The following WDR33 variants were observed in gnomAD, a reference collection of about 807,000 sequenced individuals.
WDR33 encodes pre-mRNA 3' end processing protein WDR33.
Under a neutral mutation model 164.9 loss-of-function variants are expected in WDR33, and 47 were observed. The observed-to-expected ratio is 0.29, with a 90% CI of 0.23 to 0.36. The LOEUF is 0.36. WDR33 is among the 10% of genes least tolerant of loss of function. The probability of loss-of-function intolerance (pLI) is 1.00; values close to 1 mark genes in which losing one functional copy is unlikely to be tolerated. For missense variants in WDR33, 1,137 were observed against 1,754.1 expected (o/e 0.65, Z 6.28); for synonymous variants, 505 against 589.0 (o/e 0.86, Z 2.06).
At chr2:127,707,507 C>T (rs183451044) in intron 21 of WDR33, among the ~76,000 whole-genome samples, 1 of 152,354 alleles carries the variant, frequency 6.6e-6, no homozygotes, top group East Asian at 1.9e-4. Context: ...TCAGCTACTA[C>T]ATCATTCCCA....
At position 127,722,433 on chromosome 2, in the gene WDR33, TGCAAAGCAGTAGATGA is replaced by T. The variant is rs1348363244; in HGVS notation, c.1518+142_1518+157del. Among the ~76,000 whole-genome samples the T allele has an allele frequency of 1.3e-5, 2 of 152,184 alleles. No homozygotes were observed. The highest frequency in any genetic ancestry group is 3.8e-4 in the East Asian group (2 of 5,204). On this transcript the variant is annotated intron_variant, in intron 14 of 21. Coordinates refer to ENST00000322313, the MANE Select transcript of WDR33 (RefSeq NM_018383.5). This position sits in a 1 kb window ranked among gnomAD's most constrained non-coding sequence, Gnocchi z 5.1. Reference sequence around the variant, plus strand: ...AGACTGATAACAAACTCAATACAACTGCAAAGCAGTAGATGAGAACCATGTCTAAGAGTACGTGAAC... The same window carrying T: ...AGACTGATAACAAACTCAATACAACTGAACCATGTCTAAGAGTACGTGAAC...
At chr2:127,734,237 C>A (rs1450171032) in intron 7 of WDR33, among the ~76,000 whole-genome samples, 1 of 152,222 alleles carries the variant, frequency 6.6e-6, no homozygotes, top group Non-Finnish European at 1.5e-5. Flanking sequence ...CATAAACTAA[C>A]TCCACCAAAA....
Position 127,771,037 on chromosome 2 carries a change from T to G in WDR33, c.-23-33A>C, listed in dbSNP as rs740814. The G allele has an allele frequency of 9.8e-4, 1,500 of 1,528,344 alleles. 17 individuals carry two copies. The African/African-American group carries it at 0.018, about 18-fold the overall frequency. 94.7% of individuals were successfully genotyped at this position (1,528,344 alleles called of 1,614,324 possible). ...AAGGAAAAAGTACTTTCACTACAAA[T>G]ATCAGCACTGCAACACTGCCTGAAA... On this transcript the variant is annotated intron_variant, in intron 1 of 21. Transcript: ENST00000322313.
chr2:127,716,976 A>G lies in WDR33; in HGVS notation c.2869+179T>C, dbSNP rs1686316919. On this transcript the variant is annotated intron_variant, in intron 17 of 21. Transcript: ENST00000322313. The surrounding 1 kb of genome is among the most constrained non-coding windows in gnomAD (Gnocchi z 4.5). ...TGTCAGCCTCTGGGGTGAGGGGCTT[A>G]CTAAACAGATCCAAGAACACAACCA... Among the ~76,000 whole-genome samples the G allele has an allele frequency of 6.6e-6, 1 of 152,214 alleles. No individual in the cohort carries two copies. Among genetic ancestry groups the G allele is most frequent in the South Asian group, 2.1e-4 (1 of 4,832 alleles).
intron 1 of WDR33, among the ~76,000 whole-genome samples, chr2:127,787,480 C>T (rs1464806936): frequency 1.5e-5 from 2 of 134,726 alleles, no homozygotes; most frequent in East Asian, 2.2e-4. Context: ...GCTGGCCGGG[C>T]GGGGGGCTGA....
At position 127,764,511 on chromosome 2, in the gene WDR33, G is replaced by A. The variant is rs1459403824; in HGVS notation, c.626+317C>T. ...TCTTTATTTGGAATGAAATATTCTT[G>A]TCTTACACAGTAGATAATAAAAAGG... On this transcript the variant is annotated intron_variant, in intron 6 of 21. Coordinates refer to ENST00000322313, the MANE Select transcript of WDR33 (RefSeq NM_018383.5). The surrounding 1 kb of genome is among the most constrained non-coding windows in gnomAD (Gnocchi z 6.2). 6.0e-6 allele frequency: 9 copies of A among 1,511,080 alleles called. No homozygotes were observed. The South Asian group carries it at 1.1e-4, about 18-fold the overall frequency. 93.6% of individuals were successfully genotyped at this position (1,511,080 alleles called of 1,614,324 possible).
chr2:127,711,780 A>ATATATATATATATATTTTTTTTTTTTTT, intron 18 of WDR33, among the ~76,000 whole-genome samples: 4 of 88,302 alleles, frequency 4.5e-5, no homozygotes, highest in Non-Finnish European at 8.0e-5. Context: ...ATATATATAT[A>ATATATATATATATATTTTTTTTTTTTTT]TTTTTTTTTT....
Position 127,735,019 on chromosome 2 carries a change from A to C in WDR33, c.725-8242T>G, listed in dbSNP as rs1686805055. Among the ~76,000 whole-genome samples the C allele has an allele frequency of 6.6e-6, 1 of 152,242 alleles. No homozygotes were observed. The highest frequency in any genetic ancestry group is 1.5e-5 in the Non-Finnish European group (1 of 68,042). ...ACCTTAAAATTCTAAGAATAACATG[A>C]TAAATGGATTAGGTATTAGATATTT... On this transcript the variant is annotated intron_variant, in intron 7 of 21. Transcript: ENST00000322313. The surrounding 1 kb of genome is among the most constrained non-coding windows in gnomAD (Gnocchi z 4.3).
At chr2:127,765,329 A>G in intron 4 of WDR33, 60 bp from the exon 5 acceptor site, 1 of 1,231,462 alleles carries the variant, frequency 8.1e-7, no homozygotes, top group Non-Finnish European at 1.2e-6. Flanking sequence ...TGAAAAACAT[A>G]TTAAAGGTAT....
chr2:127,747,449 A>C (rs1687199091), intron 7 of WDR33, among the ~76,000 whole-genome samples: 1 of 152,170 alleles, frequency 6.6e-6, no homozygotes, highest in African/African-American at 2.4e-5. Flanking sequence ...AAAAAAAAAA[A>C]AAAGTAAAAA....
chr2:127,779,057 A>G (rs1688286235), intron 1 of WDR33, among the ~76,000 whole-genome samples: 1 of 152,178 alleles, frequency 6.6e-6, no homozygotes. Flanking sequence ...AAATGCTGAC[A>G]TGAAATATCA....
chr2:127,727,118 T>C (rs149909363), intron 7 of WDR33, among the ~76,000 whole-genome samples: 33 of 152,314 alleles, frequency 2.2e-4, no homozygotes, highest in African/African-American at 7.9e-4. Context: ...ATTACCCTGA[T>C]TATAGGGCAC....
intron 1 of WDR33, among the ~76,000 whole-genome samples, chr2:127,791,164 A>ACCC (rs59673415): frequency 1.8e-5 from 1 of 54,610 alleles, no homozygotes; most frequent in Non-Finnish European, 3.8e-5. Flanking sequence ...TCCCCACCCC[A>ACCC]CCCCCCCCCC....
chr2:127,770,986 A>T lies in WDR33; in HGVS notation c.-5T>A, dbSNP rs762289736. 41 of 1,613,406 alleles carry T rather than the reference A, an allele frequency of 2.5e-5. No homozygotes were observed. Among genetic ancestry groups the T allele is most frequent in the Non-Finnish European group, 3.4e-5 (40 of 1,179,680 alleles). ...AGAACCAATTTCTGTAGCCATGGTG[A>T]TGTTTTCCTTCTAGGATACTAGGAT... On this transcript the variant is annotated 5_prime_UTR_variant, in exon 2 of 22. Coordinates refer to ENST00000322313, the MANE Select transcript of WDR33 (RefSeq NM_018383.5). This position sits in a 1 kb window ranked among gnomAD's most constrained non-coding sequence, Gnocchi z 4.9.
At position 127,765,105 on chromosome 2, in the gene WDR33, T is replaced by C. The variant is rs144678031; in HGVS notation, c.474+69A>G. The C allele has an allele frequency of 4.3e-3, 6,677 of 1,561,060 alleles. 22 individuals are homozygous for C. The highest frequency in any genetic ancestry group is 7.1e-3 in the Middle Eastern group (42 of 5,894). On this transcript the variant is annotated intron_variant, in intron 5 of 21. Transcript: ENST00000322313. The stretch of plus-strand genomic sequence containing the variant: ...CCAATTCTAAGTTTAACAATGCCAA[T>C]GAAATGACTATATCTCAAGTTCTTT...
intron 1 of WDR33, among the ~76,000 whole-genome samples, chr2:127,785,660 G>A (rs369952911): frequency 7.2e-6 from 1 of 139,606 alleles, no homozygotes; most frequent in Admixed American, 6.9e-5. Flanking sequence ...GCTTTTTTTT[G>A]TTTTTACTAC....
At chr2:127,711,749 C>CATAT in intron 18 of WDR33, among the ~76,000 whole-genome samples, 1 of 79,810 alleles carries the variant, frequency 1.3e-5, no homozygotes, top group African/African-American at 8.2e-5. Context: ...ACCACATATA[C>CATAT]AGATATATAT....
At chr2:127,776,015 C>T (rs911856649) in intron 1 of WDR33, among the ~76,000 whole-genome samples, 1 of 152,156 alleles carries the variant, frequency 6.6e-6, no homozygotes, top group Non-Finnish European at 1.5e-5. Context: ...AGTTACTTGG[C>T]CAAAATCACA....
rs899996890 is a variant in WDR33 at position 127,712,052 on chromosome 2, G to A, written c.3308+1531C>T. 4.6e-5 allele frequency among the ~76,000 whole-genome samples: 7 copies of A among 151,550 alleles called. No individual in the cohort carries two copies. Among genetic ancestry groups the A allele is most frequent in the Admixed American group, 2.0e-4 (3 of 15,220 alleles). ...CTCCCAAAGTGCTGGGATTACAAGC[G>A]TGAGCCACTGTGCCCGGCCTTAACC... On this transcript the variant is annotated intron_variant, in intron 18 of 21. Transcript: ENST00000322313. The surrounding 1 kb of genome is among the most constrained non-coding windows in gnomAD (Gnocchi z 4.0).
Sources: allele counts gnomAD v4.1 joint callset (sites outside exome capture counted in the v4.1 genomes callset), GRCh38; gene constraint gnomAD v4.1.1; non-coding constraint Gnocchi (gnomAD v3.1); transcripts MANE v1.5; gene names NCBI Gene and HGNC (gene_info 2026-07-23, HGNC 2026-07-21).